Variants in NLGN4X observed in about 807,000 individuals in gnomAD.
The protein encoded by NLGN4X is neuroligin-4, X-linked.
In NLGN4X, 3 loss-of-function variants were observed where a neutral mutation model predicts 40.3. The ratio of observed to expected loss-of-function variants is 0.07; its 90% confidence interval spans 0.03 to 0.19. The LOEUF (loss-of-function observed/expected upper bound fraction) is 0.19. NLGN4X is among the 10% of genes least tolerant of loss of function. The pLI, the probability that NLGN4X is intolerant of heterozygous loss-of-function variation, is 1.00. For missense variants in NLGN4X, 382 were observed against 708.3 expected, an observed-to-expected ratio of 0.54 and a Z score of 5.23; for synonymous variants, 270 against 306.8, an observed-to-expected ratio of 0.88 and a Z score of 1.25.
At chrX:5,953,634 T>C (rs5961898) in intron 3 of NLGN4X, among the ~76,000 whole-genome samples, 1 of 111,703 alleles carries the variant, frequency 9.0e-6, no homozygotes, top group Non-Finnish European at 1.9e-5. Context: ...GTGAAAGACA[T>C]CATTGTGTGT....
intron 2 of NLGN4X, among the ~76,000 whole-genome samples, chrX:6,103,538 T>C (rs971062416): frequency 8.9e-6 from 1 of 112,112 alleles, no homozygotes; most frequent in South Asian, 3.7e-4. Context: ...GAGCCAAATA[T>C]TACTACATAA....
intron 2 of NLGN4X, among the ~76,000 whole-genome samples, chrX:6,126,829 C>T (rs924344741): frequency 8.9e-6 from 1 of 111,833 alleles, no homozygotes; most frequent in Non-Finnish European, 1.9e-5. Flanking sequence ...CAAAAAGCAA[C>T]GAGAATGTTG....
intron 2 of NLGN4X, among the ~76,000 whole-genome samples, chrX:6,079,012 G>A (rs2038276623): frequency 9.0e-6 from 1 of 111,728 alleles, no homozygotes; most frequent in South Asian, 3.8e-4. Flanking sequence ...CTGTGAAGAA[G>A]GTGCTTTCCT....
rs187454485 is a variant in NLGN4X, at chrX:6,082,337, A to C, written c.473-52905T>G. ...GATTGCTTGAGCCCAGGAATTCAAA[A>C]ACAGCCTGGGCAATATAGTGGGACT... On this transcript the variant is annotated intron_variant, in intron 2 of 5. Coordinates refer to ENST00000381095, the MANE Select transcript of NLGN4X (RefSeq NM_181332.3). Among the ~76,000 whole-genome samples, 587 of 107,872 alleles carry C rather than the reference A, an allele frequency of 5.4e-3. 7 individuals carry two copies. Among genetic ancestry groups the C allele is most frequent in the African/African-American group, 0.019 (559 of 29,622 alleles). The allele number at this position is 107,872 out of a possible 115,157, so 93.7% of individuals were successfully genotyped here. A position where few individuals can be genotyped will look rare whatever the true frequency, so the allele number is the denominator to read the frequency against.
At chrX:6,213,878 C>G (rs1326523413) in intron 1 of NLGN4X, among the ~76,000 whole-genome samples, 1 of 111,856 alleles carries the variant, frequency 8.9e-6, no homozygotes, top group East Asian at 2.8e-4. Flanking sequence ...GGAAATGTCT[C>G]TCCTCTACAT....
chrX:6,217,578 G>A (rs1007493136), intron 1 of NLGN4X, among the ~76,000 whole-genome samples: 2 of 111,622 alleles, frequency 1.8e-5, no homozygotes, highest in African/African-American at 3.3e-5. Context: ...ATATGGTACC[G>A]TTTAATCTCT....
intron 3 of NLGN4X, among the ~76,000 whole-genome samples, chrX:5,934,453 A>C (rs2146879193): frequency 8.9e-6 from 1 of 112,247 alleles, no homozygotes; most frequent in African/African-American, 3.2e-5. Flanking sequence ...ATAAGACTCG[A>C]ATGATCAATA....
At chrX:5,925,680 G>A (rs1200096405) in intron 3 of NLGN4X, among the ~76,000 whole-genome samples, 4 of 104,931 alleles carry the variant, frequency 3.8e-5, no homozygotes, top group Non-Finnish European at 7.8e-5. Context: ...TAGGGTTATG[G>A]TGCCCTTTGT....
chrX:5,976,439 G>C (rs1193780820), intron 3 of NLGN4X, among the ~76,000 whole-genome samples: 1 of 111,982 alleles, frequency 8.9e-6, no homozygotes, highest in Non-Finnish European at 1.9e-5. Flanking sequence ...ATATATGTCA[G>C]AGAAACCTCA....
chrX:6,004,462 G>A (rs1192420252), intron 3 of NLGN4X, among the ~76,000 whole-genome samples: 1 of 111,500 alleles, frequency 9.0e-6, no homozygotes. Context: ...TTCTTTTGAT[G>A]ATAGCAAGAG....
chrX:5,986,308 C>G (rs2035529209), intron 3 of NLGN4X, among the ~76,000 whole-genome samples: 1 of 111,856 alleles, frequency 8.9e-6, no homozygotes, highest in African/African-American at 3.2e-5. Context: ...CAGAGGTAGA[C>G]AAAGAGATCA....
At chrX:6,130,916 A>G (rs1455270244) in intron 2 of NLGN4X, among the ~76,000 whole-genome samples, 5 of 112,279 alleles carry the variant, frequency 4.5e-5, no homozygotes, top group African/African-American at 1.6e-4. Context: ...AAAAAAAACC[A>G]AAACATTTCT....
intron 4 of NLGN4X, among the ~76,000 whole-genome samples, chrX:5,907,511 C>T (rs1486058284): frequency 4.5e-5 from 5 of 111,926 alleles, no homozygotes; most frequent in Non-Finnish European, 9.4e-5. Context: ...ACTGCTTAGG[C>T]GTCCAAGTGC....
intron 3 of NLGN4X, among the ~76,000 whole-genome samples, chrX:6,024,482 G>A (rs778966704): frequency 9.0e-6 from 1 of 110,840 alleles, no homozygotes; most frequent in Non-Finnish European, 1.9e-5. Flanking sequence ...CTACTGGGCT[G>A]CATTCCCAAG....
At chrX:5,966,347 A>G (rs1242039766) in intron 3 of NLGN4X, among the ~76,000 whole-genome samples, 1 of 112,455 alleles carries the variant, frequency 8.9e-6, no homozygotes, top group Non-Finnish European at 1.9e-5. Context: ...ATAAACACTT[A>G]GTAAATTCAT....
intron 3 of NLGN4X, among the ~76,000 whole-genome samples, chrX:5,924,137 T>C (rs887944031): frequency 2.7e-5 from 3 of 111,541 alleles, no homozygotes; most frequent in Non-Finnish European, 3.8e-5. Flanking sequence ...CTTGTACATT[T>C]ACTAAAATCT....
chrX:6,078,924 G>A (rs1034436833), intron 2 of NLGN4X, among the ~76,000 whole-genome samples: 2 of 111,250 alleles, frequency 1.8e-5, no homozygotes, highest in Non-Finnish European at 3.8e-5. Flanking sequence ...TCATGATAGC[G>A]AGTGAGTTCT....
chrX:5,952,857 A>T (rs1008374490), intron 3 of NLGN4X, among the ~76,000 whole-genome samples: 1 of 111,208 alleles, frequency 9.0e-6, no homozygotes, highest in Admixed American at 9.6e-5. Context: ...CCCGCACCTT[A>T]TATTTTAATT....
chrX:6,039,914 CT>C (rs1378774388), intron 2 of NLGN4X, among the ~76,000 whole-genome samples: 1 of 111,590 alleles, frequency 9.0e-6, no homozygotes, highest in Non-Finnish European at 1.9e-5. Context: ...GTTCTAAGGG[CT>C]TTATGCATGT....
Sources: gnomAD v4.1 joint callset for allele counts (sites outside exome capture counted in the v4.1 genomes callset) on GRCh38, gnomAD v4.1.1 for gene constraint, MANE v1.5 for transcripts, NCBI Gene and HGNC (gene_info 2026-07-23, HGNC 2026-07-21) for gene names.